LRP1B: variants seen among roughly 807,000 people sequenced by gnomAD.
LRP1B encodes low-density lipoprotein receptor-related protein 1B.
Under a neutral mutation model 556.6 loss-of-function variants are expected in LRP1B, and 217 were observed. The observed-to-expected ratio is 0.39, with a 90% CI of 0.35 to 0.44. LRP1B has a LOEUF of 0.44. LRP1B is among the 20% of genes least tolerant of loss of function. The pLI is 1.00. For synonymous variants in LRP1B, 2,047 were observed against 1,865.8 expected, an observed-to-expected ratio of 1.10 and a Z score of -2.50; for missense variants, 5,053 against 5,620.8, an observed-to-expected ratio of 0.90 and a Z score of 3.23.
intron 2 of LRP1B, among the ~76,000 whole-genome samples, chr2:141,557,669 G>A (rs1263668205): frequency 1.3e-5 from 2 of 151,872 alleles, no homozygotes; most frequent in East Asian, 1.9e-4. Context: ...AGTGAGCCAC[G>A]AGAAAGAAGA....
At chr2:141,446,815 C>T (rs781466048) in intron 3 of LRP1B, among the ~76,000 whole-genome samples, 1 of 152,164 alleles carries the variant, frequency 6.6e-6, no homozygotes, top group Non-Finnish European at 1.5e-5. Context: ...TTGTGGGTAA[C>T]GCAACCTTTC....
intron 60 of LRP1B, among the ~76,000 whole-genome samples, chr2:140,474,616 TCATGTTTAACTATACGTGA>T (rs1687894594): frequency 1.3e-5 from 2 of 152,100 alleles, no homozygotes; most frequent in East Asian, 3.9e-4. Flanking sequence ...TATATCCGTG[TCATGTTTAACTATACGTGA>T]CATCTTCTCT....
At chr2:140,241,522 GTTAA>G (rs1644872183) in intron 87 of LRP1B, among the ~76,000 whole-genome samples, 1 of 150,760 alleles carries the variant, frequency 6.6e-6, no homozygotes, top group African/African-American at 2.4e-5. Context: ...GTAGGAAGCT[GTTAA>G]TTAAGTATGC....
rs114349589 is a variant in LRP1B, at chr2:140,954,172, A to G, written c.2888-2232T>C. Among the ~76,000 whole-genome samples, 315 of 152,268 alleles carry G rather than the reference A, an allele frequency of 2.1e-3. 1 individual carries two copies. The highest frequency in any genetic ancestry group is 7.0e-3 in the African/African-American group (290 of 41,560). On this transcript the variant is annotated intron_variant, in intron 18 of 90. Coordinates refer to ENST00000389484, the MANE Select transcript of LRP1B (RefSeq NM_018557.3). ...TTTGTTGCCTAACAAGATAGTGAGAACTCACATTTATGTTTCAAGAATCAG... is the reference window on the plus strand; with the variant it reads ...TTTGTTGCCTAACAAGATAGTGAGAGCTCACATTTATGTTTCAAGAATCAG...
intron 1 of LRP1B, among the ~76,000 whole-genome samples, chr2:142,090,732 CCTAA>C (rs1265679502): frequency 6.6e-6 from 1 of 152,024 alleles, no homozygotes; most frequent in African/African-American, 2.4e-5. Flanking sequence ...AATTCCTGTT[CCTAA>C]CTTACTCTTA....
At chr2:141,983,621 A>G (rs1250421078) in intron 1 of LRP1B, among the ~76,000 whole-genome samples, 2 of 152,196 alleles carry the variant, frequency 1.3e-5, no homozygotes, top group African/African-American at 4.8e-5. Context: ...CTTTCTTTTC[A>G]AAAATAGTAC....
Position 140,770,858 on chromosome 2 carries a change from T to C in LRP1B, c.5626+23A>G, listed in dbSNP as rs374183520. On this transcript the variant is annotated intron_variant, in intron 34 of 90. Transcript: ENST00000389484. ...ATTAGTGAAGTAAATGAACCAGAGG[T>C]AAGGTTTTTCATGAACTCATACCTT... The C allele has an allele frequency of 3.9e-6, 6 of 1,525,516 alleles. No individual in the cohort carries two copies. In the African/African-American group the frequency reaches 4.3e-5, roughly 11 times the overall value. 94.5% of individuals were successfully genotyped at this position (1,525,516 alleles called of 1,614,324 possible). A position where few individuals can be genotyped will look rare whatever the true frequency, so the allele number is the denominator to read the frequency against.
intron 1 of LRP1B, among the ~76,000 whole-genome samples, chr2:142,102,153 T>C (rs533956120): frequency 6.6e-6 from 1 of 152,120 alleles, no homozygotes; most frequent in South Asian, 2.1e-4. Context: ...TAACACTTAC[T>C]GGCTGTTGAA....
chr2:140,993,931 G>C (rs902446209), intron 16 of LRP1B, 64 bp downstream of exon 16: 2 of 1,515,638 alleles, frequency 1.3e-6, no homozygotes, highest in African/African-American at 2.8e-5. Flanking sequence ...AAACTGCCTT[G>C]ATAATTCACA....
intron 1 of LRP1B, among the ~76,000 whole-genome samples, chr2:142,083,389 C>G (rs1302010273): frequency 5.3e-5 from 8 of 152,106 alleles, no homozygotes; most frequent in Non-Finnish European, 1.0e-4. Flanking sequence ...AATGTGCAGC[C>G]TCCATAATGC....
chr2:141,236,565 T>A (rs181234222), intron 5 of LRP1B, among the ~76,000 whole-genome samples: 1 of 152,274 alleles, frequency 6.6e-6, no homozygotes, highest in African/African-American at 2.4e-5. Context: ...AATGATAACA[T>A]GTTGGATTAT....
chr2:140,889,385 T>A (rs1573847193), intron 23 of LRP1B, among the ~76,000 whole-genome samples: 1 of 152,176 alleles, frequency 6.6e-6, no homozygotes, highest in African/African-American at 2.4e-5. Context: ...AACCTCTGCC[T>A]CCCAGCCTTA....
intron 11 of LRP1B, among the ~76,000 whole-genome samples, chr2:141,032,101 T>A (rs1698389325): frequency 6.6e-6 from 1 of 152,078 alleles, no homozygotes; most frequent in Non-Finnish European, 1.5e-5. Flanking sequence ...AACAGTTTAT[T>A]GATCCTTCCA....
chr2:141,782,514 CTTTTTTTTTTT>C (rs5834867), intron 2 of LRP1B, among the ~76,000 whole-genome samples: 7 of 97,854 alleles, frequency 7.2e-5, no homozygotes, highest in African/African-American at 3.1e-4. Flanking sequence ...TTCTATTTTC[CTTTTTTTTTTT>C]TTTTTTTTGG....
At chr2:141,691,544 C>A (rs1446773652) in intron 2 of LRP1B, among the ~76,000 whole-genome samples, 1 of 146,464 alleles carries the variant, frequency 6.8e-6, no homozygotes, top group Non-Finnish European at 1.5e-5. Flanking sequence ...GGCATGATCC[C>A]AGCCCTGAAG....
At chr2:140,306,454 G>GTA (rs1174359590) in intron 83 of LRP1B, among the ~76,000 whole-genome samples, 1 of 152,034 alleles carries the variant, frequency 6.6e-6, no homozygotes, top group African/African-American at 2.4e-5. Context: ...GGTGTTTATA[G>GTA]TATTCTCTGA....
intron 9 of LRP1B, among the ~76,000 whole-genome samples, chr2:141,057,464 G>C (rs979397775): frequency 6.6e-6 from 1 of 151,770 alleles, no homozygotes; most frequent in Admixed American, 6.6e-5. Flanking sequence ...GATATGGTTT[G>C]TCTGTATCCC....
chr2:141,087,117 G>GTTGATTGTCTCCAAACTTTCATTCC (rs1259319714), intron 7 of LRP1B, among the ~76,000 whole-genome samples: 49 of 152,306 alleles, frequency 3.2e-4, no homozygotes, highest in African/African-American at 1.2e-3. Context: ...GATGAAACCA[G>GTTGATTGTCTCCAAACTTTCATTCC]TTGATTGTCT....
chr2:142,053,247 T>G (rs1704532661), intron 1 of LRP1B, among the ~76,000 whole-genome samples: 1 of 152,140 alleles, frequency 6.6e-6, no homozygotes, highest in South Asian at 2.1e-4. Context: ...AATAGTTAAA[T>G]TCAACGTTAC....
Sources: gnomAD v4.1 joint callset for allele counts (sites outside exome capture counted in the v4.1 genomes callset) on GRCh38, gnomAD v4.1.1 for gene constraint, MANE v1.5 for transcripts, NCBI Gene and HGNC (gene_info 2026-07-23, HGNC 2026-07-21) for gene names.